Variants in ASB9 observed in about 807,000 individuals in gnomAD.
The protein encoded by ASB9 is ankyrin repeat and SOCS box protein 9.
A neutral mutation model predicts 16.6 loss-of-function variants in ASB9; 5 were observed. The ratio of observed to expected loss-of-function variants is 0.30; its 90% CI spans 0.16 to 0.63. ASB9 has a LOEUF of 0.63. Among genes scored for constraint, ASB9 ranks in the 30% least tolerant of loss-of-function variants. The pLI is 0.82. For missense variants in ASB9, 216 were observed against 229.4 expected (o/e 0.94, Z 0.38); for synonymous variants, 100 against 86.4 (o/e 1.16, Z -0.87).
rs759522512 is a variant in ASB9, at chrX:15,265,824, A to G, written c.94+3957T>C. Among the ~76,000 whole-genome samples the G allele has an allele frequency of 3.3e-4, 33 of 100,991 alleles. No individual in the cohort carries two copies. In the South Asian group the frequency reaches 0.013, roughly 41 times the overall value. The allele number at this position is 100,991 out of a possible 115,157, so 87.7% of individuals were successfully genotyped here. A position where few individuals can be genotyped will look rare whatever the true frequency, so the allele number is the denominator to read the frequency against. On this transcript the variant is annotated intron_variant, in intron 1 of 6. Transcript: ENST00000380488. Reference sequence around the variant, plus strand: ...GCTAATTTTTTTTTTTTTTTTTGAGACAGAGTTTCACTCTTGTTGCCCAGG... The same window carrying G: ...GCTAATTTTTTTTTTTTTTTTTGAGGCAGAGTTTCACTCTTGTTGCCCAGG...
At chrX:15,254,983 T>TAA in intron 2 of ASB9, 139 bp from the exon 3 acceptor site, 1 of 431,948 alleles carries the variant, frequency 2.3e-6, no homozygotes, top group Non-Finnish European at 3.9e-6. Context: ...TATATTGACT[T>TAA]TAAAAAAAAA....
intron 3 of ASB9, among the ~76,000 whole-genome samples, chrX:15,252,932 G>T (rs980515855): frequency 1.8e-5 from 2 of 112,615 alleles, no homozygotes; most frequent in Admixed American, 1.9e-4. Flanking sequence ...AGATGGTAAG[G>T]CTGGCTCAAA....
At chrX:15,257,131 C>T (rs1925633425) in intron 2 of ASB9, among the ~76,000 whole-genome samples, 1 of 111,793 alleles carries the variant, frequency 8.9e-6, no homozygotes, top group Non-Finnish European at 1.9e-5. Flanking sequence ...GCATTTAGAC[C>T]AGGCACGGTG....
chrX:15,247,567 A>G (rs932722448), intron 6 of ASB9, among the ~76,000 whole-genome samples: 1 of 112,586 alleles, frequency 8.9e-6, no homozygotes, highest in South Asian at 3.7e-4. Flanking sequence ...CTATTTCACA[A>G]CTGTGTTGGT....
chrX:15,245,373 T>C (rs1484001205), intron 6 of ASB9, among the ~76,000 whole-genome samples: 1 of 110,232 alleles, frequency 9.1e-6, no homozygotes, highest in African/African-American at 3.3e-5. Context: ...CTTCTAAAAA[T>C]CCCAGAGTAC....
intron 1 of ASB9, among the ~76,000 whole-genome samples, chrX:15,262,081 T>A (rs1332377622): frequency 9.0e-6 from 1 of 110,595 alleles, no homozygotes; most frequent in Non-Finnish European, 1.9e-5. Flanking sequence ...TTTAGCATGT[T>A]TCAAAGTTTC....
chrX:15,244,680 A>C, intron 6 of ASB9, 50 bp from the exon 7 acceptor site: 1 of 1,029,240 alleles, frequency 9.7e-7, no homozygotes, highest in Non-Finnish European at 1.3e-6. Flanking sequence ...TTGATCTAAG[A>C]CTCCTTTTTT....
intron 1 of ASB9, among the ~76,000 whole-genome samples, chrX:15,260,314 G>A (rs1925872796): frequency 8.9e-6 from 1 of 111,772 alleles, no homozygotes; most frequent in South Asian, 3.7e-4. Flanking sequence ...GGGAGAATCG[G>A]TTGAACCCGG....
intron 1 of ASB9, among the ~76,000 whole-genome samples, chrX:15,268,406 G>A (rs1926717745): frequency 1.9e-5 from 2 of 106,831 alleles, no homozygotes; most frequent in Admixed American, 2.0e-4. Flanking sequence ...CAGGTGCTGT[G>A]GACAGTATAC....
chrX:15,254,134 A>G (rs1008456941), intron 3 of ASB9, among the ~76,000 whole-genome samples: 1 of 111,791 alleles, frequency 8.9e-6, no homozygotes, highest in Non-Finnish European at 1.9e-5. Flanking sequence ...TTTTTTTGGC[A>G]TGGACAAGGT....
At chrX:15,244,671 T>C in intron 6 of ASB9, 41 bp from the exon 7 acceptor site, 3 of 1,122,110 alleles carry the variant, frequency 2.7e-6, no homozygotes, top group Non-Finnish European at 3.5e-6. Context: ...ATGGTGCTAT[T>C]GATCTAAGAC....
At chrX:15,267,252 A>C (rs1569161784) in intron 1 of ASB9, among the ~76,000 whole-genome samples, 1 of 102,350 alleles carries the variant, frequency 9.8e-6, no homozygotes, top group Non-Finnish European at 2.0e-5. Flanking sequence ...CAAAAAAAAA[A>C]CACCCCAAAA....
chrX:15,269,743 A>T (rs756928934), intron 1 of ASB9, 38 bp downstream of exon 1: 12 of 1,141,927 alleles, frequency 1.1e-5, no homozygotes, highest in Non-Finnish European at 1.3e-5. Context: ...ACATTAGCCA[A>T]CCTCCCCAGG....
At chrX:15,253,381 C>T (rs1925284024) in intron 3 of ASB9, among the ~76,000 whole-genome samples, 2 of 111,647 alleles carry the variant, frequency 1.8e-5, no homozygotes, top group African/African-American at 3.3e-5. Flanking sequence ...CACCTGAGGT[C>T]GGAAGTTCGA....
intron 6 of ASB9, 129 bp downstream of exon 6, chrX:15,248,615 C>T: frequency 1.9e-6 from 2 of 1,052,800 alleles, no homozygotes; most frequent in South Asian, 4.8e-5. Flanking sequence ...TCTCAACTTC[C>T]CAGATTTGGT....
In ASB9 at chrX:15,259,796, C is replaced by T. The variant is rs1052421004; in HGVS notation, c.95-851G>A. ...GACATGTGATGGGTTGCAGTCAAAA[C>T]GTTGTTTCATGCACAAACTTATTTA... On this transcript the variant is annotated intron_variant, in intron 1 of 6. Transcript: ENST00000380488. Among the ~76,000 whole-genome samples, 5 of 112,517 alleles carry T rather than the reference C, an allele frequency of 4.4e-5. No homozygotes were observed. The South Asian group carries it at 1.8e-3, about 41-fold the overall frequency.
Position 15,270,002 on chromosome X carries a change from C to A in ASB9, c.-128G>T. Reference sequence around the variant, plus strand: ...CTGGCTGAGCTGCACACGTTCTGGTCAAATGGTCTGCAGCAAAGCACAGAG... The same window carrying A: ...CTGGCTGAGCTGCACACGTTCTGGTAAAATGGTCTGCAGCAAAGCACAGAG... On this transcript the variant is annotated 5_prime_UTR_variant, in exon 1 of 7. Coordinates refer to ENST00000380488, the MANE Select transcript of ASB9 (RefSeq NM_001031739.3). 1 of 493,113 alleles carries A rather than the reference C, an allele frequency of 2.0e-6. No homozygotes were observed. Among genetic ancestry groups the A allele is most frequent in the South Asian group, 3.6e-5 (1 of 27,449 alleles). The allele number at this position is 493,113 out of a possible 1,213,427, so 40.6% of individuals were successfully genotyped here. A position where few individuals can be genotyped will look rare whatever the true frequency, so the allele number is the denominator to read the frequency against.
intron 4 of ASB9, among the ~76,000 whole-genome samples, chrX:15,251,209 A>G (rs1240341097): frequency 8.9e-6 from 1 of 111,776 alleles, no homozygotes; most frequent in African/African-American, 3.3e-5. Context: ...CTTGGGAGAG[A>G]TATGGAGGAA....
chrX:15,265,617 T>G (rs1303722944), intron 1 of ASB9, among the ~76,000 whole-genome samples: 1 of 99,912 alleles, frequency 1.0e-5, no homozygotes, highest in Non-Finnish European at 2.0e-5. Context: ...GGCCTACGAC[T>G]TCATCAAAAG....
Sources: gnomAD v4.1 joint callset for allele counts (sites outside exome capture counted in the v4.1 genomes callset) on GRCh38, gnomAD v4.1.1 for gene constraint, MANE v1.5 for transcripts, NCBI Gene and HGNC (gene_info 2026-07-23, HGNC 2026-07-21) for gene names.